PTGFRN: variants seen among roughly 807,000 people sequenced by gnomAD.
PTGFRN encodes prostaglandin F2 receptor negative regulator.
Under a neutral mutation model 83.2 loss-of-function variants are expected in PTGFRN, and 35 were observed. The observed-to-expected ratio is 0.42, with a 90% CI of 0.32 to 0.56. PTGFRN has a LOEUF of 0.56. Ranked by LOEUF, PTGFRN falls within the 20% of genes least tolerant of loss-of-function variation. The pLI is 0.11. For synonymous variants in PTGFRN, 519 were observed against 498.6 expected (o/e 1.04, Z -0.55); for missense variants, 1,051 against 1,179.5 (o/e 0.89, Z 1.60).
chr1:116,989,459 C>T lies in PTGFRN; in HGVS notation c.*2492C>T, dbSNP rs542689929. On this transcript the variant is annotated 3_prime_UTR_variant, in exon 9 of 9. Transcript: ENST00000393203. The stretch of plus-strand genomic sequence containing the variant: ...TTGTACCAAATAGGGCTCCCCACCC[C>T]ACCCCTGCGACAAGTGCTCTTCTAG... 6.5e-6 allele frequency: 1 copy of T among 152,678 alleles called. No individual in the cohort carries two copies. The highest frequency in any genetic ancestry group is 6.5e-5 in the Admixed American group (1 of 15,284). 9.5% of individuals were successfully genotyped at this position (152,678 alleles called of 1,614,324 possible).
At chr1:116,970,333 T>A (rs1358405944) in intron 6 of PTGFRN, among the ~76,000 whole-genome samples, 1 of 152,220 alleles carries the variant, frequency 6.6e-6, no homozygotes, top group Non-Finnish European at 1.5e-5. Flanking sequence ...TTGTTGAGTA[T>A]TTTTGTCATG....
chr1:116,928,918 T>C (rs1000336735), intron 1 of PTGFRN, among the ~76,000 whole-genome samples: 2 of 152,190 alleles, frequency 1.3e-5, no homozygotes, highest in African/African-American at 2.4e-5. Flanking sequence ...TGGCTTTAAA[T>C]ACTCTGTGTG....
intron 1 of PTGFRN, among the ~76,000 whole-genome samples, chr1:116,927,062 C>T (rs1035173975): frequency 6.6e-6 from 1 of 152,030 alleles, no homozygotes; most frequent in Non-Finnish European, 1.5e-5. Flanking sequence ...CATGTTGGTC[C>T]ATAAGAATAG....
chr1:116,961,432 A>G lies in PTGFRN; in HGVS notation c.1403A>G (p.Asp468Gly). ...VVTSELLAVMDGDWTLKYGER... is the reference protein window; with the variant it reads ...VVTSELLAVMGGDWTLKYGER... ...ACCAGCGAGCTGCTTGCAGTCATGG[A>G]CGGGGACTGGACGCTAAAATATGGA... Residue 468 changes from aspartate (D) to glycine (G), a missense_variant, in exon 5 of 9, where the codon GAC (aspartate) becomes GGC (glycine). Coordinates refer to ENST00000393203, the MANE Select transcript of PTGFRN (RefSeq NM_020440.4). This position sits in a 1 kb window ranked among gnomAD's most constrained non-coding sequence, Gnocchi z 5.4. The G allele has an allele frequency of 6.2e-7, 1 of 1,614,170 alleles. No homozygotes were observed. Among genetic ancestry groups the G allele is most frequent in the Non-Finnish European group, 8.5e-7 (1 of 1,180,032 alleles).
At position 116,961,422 on chromosome 1, in the gene PTGFRN, G is replaced by A. The variant is rs1334931799; in HGVS notation, c.1393G>A (p.Ala465Thr). ...SDNVVTSELLAVMDGDWTLKY... is the reference protein window; with the variant it reads ...SDNVVTSELLTVMDGDWTLKY... ...CAATGTGGTGACCAGCGAGCTGCTT[G>A]CAGTCATGGACGGGGACTGGACGCT... The change falls in exon 5 of 9, where the codon GCA becomes ACA. Residue 465 changes from alanine (A) to threonine (T), a missense_variant. Ala to Thr is a moderately conservative substitution (Grantham distance 58). This residue lies in a region of PTGFRN where 719 missense variants were observed against 836.6 expected (regional missense o/e 0.86). Transcript: ENST00000393203. The surrounding 1 kb of genome is among the most constrained non-coding windows in gnomAD (Gnocchi z 5.4). 2 of 1,614,182 alleles carry A rather than the reference G, an allele frequency of 1.2e-6. No individual in the cohort carries two copies. The highest frequency in any genetic ancestry group is 2.2e-5 in the South Asian group (2 of 91,078).
Position 116,961,323 on chromosome 1 carries a change from G to A in PTGFRN, c.1294G>A (p.Val432Met). The A allele has an allele frequency of 6.4e-7, 1 of 1,567,360 alleles. No homozygotes were observed. Among genetic ancestry groups the A allele is most frequent in the Non-Finnish European group, 8.7e-7 (1 of 1,154,136 alleles). Residue 432 changes from valine (V) to methionine (M), a missense_variant, in exon 5 of 9, where the codon GTG becomes ATG. This residue lies in a region of PTGFRN where 719 missense variants were observed against 836.6 expected (regional missense o/e 0.86). Transcript: ENST00000393203. The surrounding 1 kb of genome is among the most constrained non-coding windows in gnomAD (Gnocchi z 5.4). ...DDPTELACRV[V>M]DTKSGEANVR... ...CCCCACAGAGCTGGCATGCCGGGTG[G>A]TGGACACGAAGAGTGGGGAGGCGAA... is the stretch of plus-strand genomic sequence containing the variant.
At chr1:116,984,179 G>A (rs558851043) in intron 7 of PTGFRN, among the ~76,000 whole-genome samples, 12 of 152,224 alleles carry the variant, frequency 7.9e-5, no homozygotes, top group African/African-American at 2.9e-4. Flanking sequence ...TCTAAATTTG[G>A]TGCAATTCAT....
At position 116,910,750 on chromosome 1, in the gene PTGFRN, A is replaced by T. The variant is rs1033026527; in HGVS notation, c.49+498A>T. Among the ~76,000 whole-genome samples the T allele has an allele frequency of 3.3e-5, 5 of 152,002 alleles. No individual in the cohort carries two copies. The South Asian group carries it at 8.3e-4, about 25-fold the overall frequency. ...TCCAGGGAAGCGAGAGAATCCTCCA[A>T]CTTCCTTCCACGAAGGTCACAGGGT... On this transcript the variant is annotated intron_variant, in intron 1 of 8. Coordinates refer to ENST00000393203, the MANE Select transcript of PTGFRN (RefSeq NM_020440.4).
In PTGFRN at chr1:116,981,580, C is replaced by T. The variant is rs562247242; in HGVS notation, c.2168-3100C>T. 1.5e-4 allele frequency among the ~76,000 whole-genome samples: 23 copies of T among 152,344 alleles called. No individual in the cohort carries two copies. In the East Asian group the frequency reaches 4.2e-3, roughly 28 times the overall value. On this transcript the variant is annotated intron_variant, in intron 7 of 8. Coordinates refer to ENST00000393203, the MANE Select transcript of PTGFRN (RefSeq NM_020440.4). ...CATCTGGAAGCAGAGGCCTGGATGC[C>T]ACCACCATCCAGGTGGACATCTGTC...
At chr1:116,912,366 C>A (rs140646283) in intron 1 of PTGFRN, among the ~76,000 whole-genome samples, 1 of 152,186 alleles carries the variant, frequency 6.6e-6, no homozygotes, top group African/African-American at 2.4e-5. Context: ...GGGAAGGTCT[C>A]GCTGTGTTAC....
intron 3 of PTGFRN, among the ~76,000 whole-genome samples, chr1:116,947,649 C>A (rs1650234764): frequency 6.6e-6 from 1 of 152,192 alleles, no homozygotes; most frequent in South Asian, 2.1e-4. Context: ...GTCACTGACC[C>A]GACTCCCTCC....
intron 5 of PTGFRN, 67 bp from the exon 6 acceptor site, chr1:116,966,844 C>T (rs1650849099): frequency 6.8e-7 from 1 of 1,478,276 alleles, no homozygotes; most frequent in Non-Finnish European, 9.1e-7. Flanking sequence ...GGTTATTTTG[C>T]TTTTAGTTGC....
At chr1:116,914,581 A>G (rs1443841124) in intron 1 of PTGFRN, among the ~76,000 whole-genome samples, 2 of 152,068 alleles carry the variant, frequency 1.3e-5, no homozygotes, top group Admixed American at 1.3e-4. Context: ...TGAGACCCCC[A>G]TCTCTACTAA....
In PTGFRN at chr1:116,958,437, G is replaced by T. The variant is rs1359628673; in HGVS notation, c.1214-2806G>T. Reference sequence around the variant, plus strand: ...TGAGCTAAGGATGCACTTGAAAGGTGGTAGAAGACAGGGCTCCGTTCCCAT... The same window carrying T: ...TGAGCTAAGGATGCACTTGAAAGGTTGTAGAAGACAGGGCTCCGTTCCCAT... On this transcript the variant is annotated intron_variant, in intron 4 of 8. Coordinates refer to ENST00000393203, the MANE Select transcript of PTGFRN (RefSeq NM_020440.4). This position sits in a 1 kb window ranked among gnomAD's most constrained non-coding sequence, Gnocchi z 4.9. Among the ~76,000 whole-genome samples, 1 of 152,294 alleles carries T rather than the reference G, an allele frequency of 6.6e-6. No individual in the cohort carries two copies. Among genetic ancestry groups the T allele is most frequent in the Non-Finnish European group, 1.5e-5 (1 of 68,014 alleles).
intron 7 of PTGFRN, among the ~76,000 whole-genome samples, chr1:116,975,537 A>G (rs1410326652): frequency 6.6e-6 from 1 of 152,232 alleles, no homozygotes; most frequent in Admixed American, 6.5e-5. Context: ...TTCCAGAGGA[A>G]CGATCAGCAG....
At chr1:116,912,886 C>T (rs989832186) in intron 1 of PTGFRN, among the ~76,000 whole-genome samples, 1 of 152,148 alleles carries the variant, frequency 6.6e-6, no homozygotes, top group Non-Finnish European at 1.5e-5. Context: ...TTCCTTTTTC[C>T]CTTGAAACTC....
chr1:116,962,827 C>T (rs747268934), intron 5 of PTGFRN, among the ~76,000 whole-genome samples: 6 of 152,212 alleles, frequency 3.9e-5, no homozygotes, highest in Non-Finnish European at 7.3e-5. Context: ...CACCTGACAT[C>T]GTCCTTCACT....
intron 3 of PTGFRN, 128 bp downstream of exon 3, chr1:116,945,220 T>TTAAA (rs1177101223): frequency 8.4e-7 from 1 of 1,195,970 alleles, no homozygotes; most frequent in Non-Finnish European, 1.1e-6. Context: ...TGAGGCCTTA[T>TTAAA]TTTTAGGGGT....
chr1:116,958,348 CAT>C lies in PTGFRN; in HGVS notation c.1214-2894_1214-2893del, dbSNP rs1650554561. On this transcript the variant is annotated intron_variant, in intron 4 of 8. Transcript: ENST00000393203. This position sits in a 1 kb window ranked among gnomAD's most constrained non-coding sequence, Gnocchi z 4.9. ...CACTGCACTCAGCGTTCCTAAAAAT[CAT>C]GTGTCAGTCAGTGGAACTTAGAAAA... 6.6e-6 allele frequency among the ~76,000 whole-genome samples: 1 copy of C among 152,166 alleles called. No homozygotes were observed. The highest frequency in any genetic ancestry group is 2.4e-5 in the African/African-American group (1 of 41,424).
Sources: gnomAD v4.1 joint callset for allele counts (sites outside exome capture counted in the v4.1 genomes callset) on GRCh38, gnomAD v4.1.1 for gene constraint, gnomAD v4.1.1 regional missense constraint, Gnocchi (gnomAD v3.1) non-coding constraint, MANE v1.5 for transcripts, NCBI Gene and HGNC (gene_info 2026-07-23, HGNC 2026-07-21) for gene names.